GOLIM4: variants seen among roughly 807,000 people sequenced by gnomAD.
GOLIM4 encodes 130 kDa golgi-localized phosphoprotein.
In GOLIM4, 71 loss-of-function variants were observed where a neutral mutation model predicts 107.4. The ratio of observed to expected loss-of-function variants is 0.66; its 90% CI spans 0.55 to 0.81. The LOEUF (loss-of-function observed/expected upper bound fraction) is 0.81. Among genes scored for constraint, GOLIM4 ranks in the 30% least tolerant of loss-of-function variants. The pLI, the probability that GOLIM4 is intolerant of heterozygous loss-of-function variation, is 0.00. For synonymous variants in GOLIM4, 327 were observed against 294.8 expected, an observed-to-expected ratio of 1.11 and a Z score of -1.12; for missense variants, 830 against 826.1, an observed-to-expected ratio of 1.00 and a Z score of -0.06.
At chr3:168,014,917 A>G (rs1220018336) in intron 14 of GOLIM4, among the ~76,000 whole-genome samples, 1 of 150,284 alleles carries the variant, frequency 6.7e-6, no homozygotes, top group Admixed American at 6.6e-5. Context: ...TCTATGACAA[A>G]CCCACAGCCA....
rs1404501319 is a variant in GOLIM4 at position 168,024,914 on chromosome 3, TG to T, written c.1791+13del. The T allele has an allele frequency of 6.2e-7, 1 of 1,607,324 alleles. No individual in the cohort carries two copies. The highest frequency in any genetic ancestry group is 1.3e-5 in the African/African-American group (1 of 74,762). On this transcript the variant is annotated intron_variant, in intron 13 of 15. Transcript: ENST00000470487. ...GCCCAGTTAAATCCACCCTTCCTCG[TG>T]GCATCTGCTTACCACCAAATGTTCC...
rs560742680 is a variant in GOLIM4, at chr3:168,090,245, C to A, written c.187+4854G>T. ...AAGAAACAACACAGTAAACAGCCTACAAAATAGGAAAAAATATCTGCAAAG... is the reference window on the plus strand; with the variant it reads ...AAGAAACAACACAGTAAACAGCCTAAAAAATAGGAAAAAATATCTGCAAAG... On this transcript the variant is annotated intron_variant, in intron 1 of 15. Transcript: ENST00000470487. Among the ~76,000 whole-genome samples, 200 of 150,864 alleles carry A rather than the reference C, an allele frequency of 1.3e-3. 1 individual carries two copies. Among genetic ancestry groups the A allele is most frequent in the South Asian group, 4.2e-3 (20 of 4,766 alleles).
rs1304193401 is a variant in GOLIM4, at chr3:168,077,735, T to C, written c.187+17364A>G. 2.0e-5 allele frequency among the ~76,000 whole-genome samples: 3 copies of C among 152,206 alleles called. No individual in the cohort carries two copies. The East Asian group carries it at 5.8e-4, about 29-fold the overall frequency. ...TCAACTAATAATAATTTTCTTTGGC[T>C]ATATTGTATTTCAGAAAACAGAATG... On this transcript the variant is annotated intron_variant, in intron 1 of 15. Transcript: ENST00000470487.
At chr3:168,019,036 A>ACAAACAAG in intron 14 of GOLIM4, among the ~76,000 whole-genome samples, 1 of 152,180 alleles carries the variant, frequency 6.6e-6, no homozygotes, top group Middle Eastern at 3.4e-3. Flanking sequence ...ACAAGCAGAC[A>ACAAACAAG]TGTTTGTGTT....
intron 1 of GOLIM4, among the ~76,000 whole-genome samples, chr3:168,077,225 C>G (rs1331317711): frequency 6.6e-6 from 1 of 152,158 alleles, no homozygotes; most frequent in Non-Finnish European, 1.5e-5. Flanking sequence ...AATGATACAT[C>G]CACATTCTGC....
At chr3:168,071,282 T>C (rs1720817598) in intron 1 of GOLIM4, among the ~76,000 whole-genome samples, 1 of 152,240 alleles carries the variant, frequency 6.6e-6, no homozygotes. Flanking sequence ...TTTGGACACA[T>C]AACCTTTCTT....
At chr3:168,072,397 T>C (rs1022467821) in intron 1 of GOLIM4, among the ~76,000 whole-genome samples, 2 of 147,150 alleles carry the variant, frequency 1.4e-5, no homozygotes, top group African/African-American at 2.5e-5. Flanking sequence ...AAAAAAAAGG[T>C]TCTGAAAGAT....
rs750420335 is a variant in GOLIM4, at chr3:168,043,528, C to T, written c.368G>A (p.Ser123Asn). ...ALNVQHQMLKSQHEELKKQHS... is the reference protein window; with the variant it reads ...ALNVQHQMLKNQHEELKKQHS... ...CTGTTTCTTTAGCTCCTCGTGTTGG[C>T]TCTGCAAAGATGAAAACTTGAGTAG... The change falls in exon 5 of 16, where the codon AGC becomes AAC. Residue 123 changes from serine (S) to asparagine (N), a missense_variant and splice_region_variant. Ser to Asn is a conservative substitution (Grantham distance 46). Coordinates refer to ENST00000470487, the MANE Select transcript of GOLIM4 (RefSeq NM_014498.5). The T allele has an allele frequency of 1.3e-6, 2 of 1,599,736 alleles. No individual in the cohort carries two copies. Among genetic ancestry groups the T allele is most frequent in the African/African-American group, 2.7e-5 (2 of 73,886 alleles).
At chr3:168,022,707 G>A (rs1157744289) in intron 14 of GOLIM4, among the ~76,000 whole-genome samples, 1 of 152,198 alleles carries the variant, frequency 6.6e-6, no homozygotes, top group East Asian at 1.9e-4. Context: ...AGAAAAAAAG[G>A]CACGTGGGAC....
At chr3:168,049,853 C>G in intron 1 of GOLIM4, among the ~76,000 whole-genome samples, 1 of 152,296 alleles carries the variant, frequency 6.6e-6, no homozygotes, top group South Asian at 2.1e-4. Flanking sequence ...TCTCCCCACA[C>G]TGTGTCTTTT....
chr3:168,089,528 G>C lies in GOLIM4; in HGVS notation c.187+5571C>G, dbSNP rs189464268. Among the ~76,000 whole-genome samples the C allele has an allele frequency of 3.2e-3, 492 of 152,280 alleles. 4 individuals carry two copies. The highest frequency in any genetic ancestry group is 7.3e-3 in the Admixed American group (111 of 15,288). On this transcript the variant is annotated intron_variant, in intron 1 of 15. Coordinates refer to ENST00000470487, the MANE Select transcript of GOLIM4 (RefSeq NM_014498.5). ...TGATTATTACATATGAATAGATTGAGTCACAGAAAGGTTAAATAACTTGCC... is the reference window on the plus strand; with the variant it reads ...TGATTATTACATATGAATAGATTGACTCACAGAAAGGTTAAATAACTTGCC...
chr3:168,061,610 A>G (rs1720275151), intron 1 of GOLIM4, among the ~76,000 whole-genome samples: 1 of 152,234 alleles, frequency 6.6e-6, no homozygotes, highest in Non-Finnish European at 1.5e-5. Flanking sequence ...AATGCAAAAT[A>G]TCATTCAGCA....
chr3:168,069,713 T>C (rs951259906), intron 1 of GOLIM4, among the ~76,000 whole-genome samples: 1 of 152,178 alleles, frequency 6.6e-6, no homozygotes, highest in East Asian at 1.9e-4. Flanking sequence ...GAATTAACTA[T>C]GGAAACAGCA....
intron 1 of GOLIM4, among the ~76,000 whole-genome samples, chr3:168,067,560 A>G (rs1488316137): frequency 6.6e-6 from 1 of 151,886 alleles, no homozygotes; most frequent in Non-Finnish European, 1.5e-5. Flanking sequence ...TTTTACAAAA[A>G]AAAATACATG....
At position 168,030,475 on chromosome 3, in the gene GOLIM4, A is replaced by T. The variant is rs1344833973; in HGVS notation, c.1177-439T>A. 3.4e-5 allele frequency among the ~76,000 whole-genome samples: 5 copies of T among 148,598 alleles called. No homozygotes were observed. In the East Asian group the frequency reaches 1.0e-3, roughly 31 times the overall value. ...AGACCGAGGGATGCTAATTAACTCT[A>T]GTAATGTATATACCAATCCCAGGCT... On this transcript the variant is annotated intron_variant, in intron 9 of 15. Coordinates refer to ENST00000470487, the MANE Select transcript of GOLIM4 (RefSeq NM_014498.5).
In GOLIM4 at chr3:168,010,730, A is replaced by C. The variant is rs532121592; in HGVS notation, c.1941+13T>G. ...ACTCAAGTGCTCAATAGAAATATGTATCCCGGTCATACATTTTCATCATTT... is the reference window on the plus strand; with the variant it reads ...ACTCAAGTGCTCAATAGAAATATGTCTCCCGGTCATACATTTTCATCATTT... On this transcript the variant is annotated intron_variant, in intron 15 of 15. Transcript: ENST00000470487. The C allele has an allele frequency of 1.5e-5, 23 of 1,563,452 alleles. No individual in the cohort carries two copies. In the South Asian group the frequency reaches 1.9e-4, roughly 13 times the overall value.
At chr3:168,064,313 C>G (rs1720430171) in intron 1 of GOLIM4, among the ~76,000 whole-genome samples, 1 of 152,176 alleles carries the variant, frequency 6.6e-6, no homozygotes, top group Admixed American at 6.5e-5. Flanking sequence ...GAGTCTGGTA[C>G]AATGTGGTTA....
chr3:168,012,406 C>T (rs1458030248), intron 14 of GOLIM4, among the ~76,000 whole-genome samples: 3 of 147,030 alleles, frequency 2.0e-5, no homozygotes, highest in African/African-American at 5.4e-5. Flanking sequence ...ACCAAATCTA[C>T]GTCTGAATGG....
intron 14 of GOLIM4, among the ~76,000 whole-genome samples, chr3:168,021,803 T>G (rs1263072609): frequency 2.0e-5 from 3 of 152,350 alleles, no homozygotes; most frequent in Admixed American, 2.0e-4. Context: ...CTCTTCTGCA[T>G]GTTCAGATTA....
Sources: allele counts gnomAD v4.1 joint callset (sites outside exome capture counted in the v4.1 genomes callset), GRCh38; gene constraint gnomAD v4.1.1; transcripts MANE v1.5; gene names NCBI Gene and HGNC (gene_info 2026-07-23, HGNC 2026-07-21).